The following ARMCX4 variants were observed in gnomAD, a reference collection of about 807,000 sequenced individuals.
The protein encoded by ARMCX4 is armadillo repeat containing X-linked 4, also known as armadillo repeat-containing X-linked protein 4.
A neutral mutation model predicts 34.7 loss-of-function variants in ARMCX4; 3 were observed. The observed-to-expected ratio is 0.09, with a 90% CI of 0.04 to 0.22. ARMCX4 has a LOEUF of 0.22. ARMCX4 is among the 10% of genes least tolerant of loss of function. The pLI, the probability that ARMCX4 is intolerant of heterozygous loss-of-function variation, is 1.00. For missense variants in ARMCX4, 1,448 were observed against 1,720.8 expected, an observed-to-expected ratio of 0.84 and a Z score of 2.81; for synonymous variants, 513 against 632.8, an observed-to-expected ratio of 0.81 and a Z score of 2.84.
At chrX:101,445,450 A>G (rs782242413) in intron 3 of ARMCX4, among the ~76,000 whole-genome samples, 81 of 111,781 alleles carry the variant, frequency 7.2e-4, no homozygotes, top group Non-Finnish European at 1.1e-3. Context: ...CTTGGCACAC[A>G]CATGATGTCA....
Position 101,433,017 on chromosome X carries a change from T to C in ARMCX4, n.165-11035T>C, listed in dbSNP as rs369421089. Among the ~76,000 whole-genome samples, 50 of 80,318 alleles carry C rather than the reference T, an allele frequency of 6.2e-4. 1 individual carries two copies. Among genetic ancestry groups the C allele is most frequent in the East Asian group, 2.8e-3 (7 of 2,520 alleles). The allele number at this position is 80,318 out of a possible 115,157, so 69.7% of individuals were successfully genotyped here. A position where few individuals can be genotyped will look rare whatever the true frequency, so the allele number is the denominator to read the frequency against. ...ATACATATATGTGTATATATACACA[T>C]ATGTATACATACACGTGTATATACA... is the stretch of plus-strand genomic sequence containing the variant. On this transcript the variant is annotated intron_variant and non_coding_transcript_variant, in intron 2 of 3. Coordinates refer to the ARMCX4 transcript ENST00000430461.
At chrX:101,475,224 A>T (rs1026946849) in intron 4 of ARMCX4, among the ~76,000 whole-genome samples, 1 of 110,801 alleles carries the variant, frequency 9.0e-6, no homozygotes, top group Non-Finnish European at 1.9e-5. Context: ...CTGAGGTGGG[A>T]GGATCCTTGA....
At chrX:101,530,333 G>A (rs1357027918) in intron 11 of ARMCX4, among the ~76,000 whole-genome samples, 5 of 111,214 alleles carry the variant, frequency 4.5e-5, no homozygotes, top group African/African-American at 6.5e-5. Context: ...GGAGCCTTCC[G>A]TGGGGTTGGA....
chrX:101,428,663 G>A, intron 2 of ARMCX4, among the ~76,000 whole-genome samples: 1 of 110,817 alleles, frequency 9.0e-6, no homozygotes, highest in Admixed American at 9.7e-5. Context: ...AGAGTTGATG[G>A]CACATCAGGC....
intron 2 of ARMCX4, among the ~76,000 whole-genome samples, chrX:101,440,940 G>T (rs959197434): frequency 3.6e-5 from 4 of 111,132 alleles, no homozygotes; most frequent in Non-Finnish European, 5.7e-5. Flanking sequence ...GCGATGCCTT[G>T]CCCTGCTTTG....
chrX:101,487,871 G>A (rs1556007273), intron 4 of ARMCX4, 173 bp from the exon 5 acceptor site: 1 of 284,947 alleles, frequency 3.5e-6, no homozygotes, highest in Non-Finnish European at 6.3e-6. Context: ...CTGGTACAGG[G>A]AAAAGAGTGT....
At chrX:101,527,307 A>T (rs1434086991) in intron 11 of ARMCX4, among the ~76,000 whole-genome samples, 1 of 112,082 alleles carries the variant, frequency 8.9e-6, no homozygotes, top group Non-Finnish European at 1.9e-5. Context: ...ACAACATACC[A>T]GAATCTCTGG....
chrX:101,459,730 T>C (rs1932520571), intron 4 of ARMCX4, among the ~76,000 whole-genome samples: 2 of 112,535 alleles, frequency 1.8e-5, no homozygotes, highest in Non-Finnish European at 3.8e-5. Flanking sequence ...AGGTAATTAC[T>C]CTTACAATGC....
chrX:101,467,646 T>C (rs1237558748), intron 4 of ARMCX4, among the ~76,000 whole-genome samples: 2 of 112,087 alleles, frequency 1.8e-5, no homozygotes, highest in Admixed American at 9.5e-5. Context: ...ATGATCCTTT[T>C]CTGAATCAAT....
chrX:101,483,784 T>A (rs7056223), upstream of ARMCX4, among the ~76,000 whole-genome samples: 7,065 of 111,422 alleles, frequency 0.063, 229 homozygotes, highest in African/African-American at 0.13. Context: ...TCACTTTCAA[T>A]TGAGTTCTGA....
chrX:101,501,542 T>TAGC (rs200340691), intron 7 of ARMCX4, among the ~76,000 whole-genome samples: 1,862 of 112,352 alleles, frequency 0.017, 15 homozygotes, highest in Middle Eastern at 0.051. Context: ...GGAGCAGCAG[T>TAGC]AGCAGCAGCA....
At chrX:101,502,729 T>A (rs1934329760) in intron 7 of ARMCX4, among the ~76,000 whole-genome samples, 1 of 111,144 alleles carries the variant, frequency 9.0e-6, no homozygotes, top group African/African-American at 3.3e-5. Flanking sequence ...ATTTTTTTTT[T>A]ATTTTTATTT....
At position 101,431,551 on chromosome X, in the gene ARMCX4, C is replaced by CTT. The variant is rs369375192; in HGVS notation, n.165-12492_165-12491dup. ...TTACAAAAGTTTATGCACCACGTTT[C>CTT]TTTTTTTTTTGAGACAGAGTCTCGC... On this transcript the variant is annotated intron_variant and non_coding_transcript_variant, in intron 2 of 3. Coordinates refer to the ARMCX4 transcript ENST00000430461. 2.8e-5 allele frequency among the ~76,000 whole-genome samples: 3 copies of CTT among 107,215 alleles called. No individual in the cohort carries two copies. In the South Asian group the frequency reaches 1.2e-3, roughly 43 times the overall value. 93.1% of individuals were successfully genotyped at this position (107,215 alleles called of 115,157 possible).
rs1284401082 is a variant in ARMCX4 at position 101,488,802 on chromosome X, C to T, written c.213C>T (p.Val71=). 1.5e-5 allele frequency: 17 copies of T among 1,156,152 alleles called. No individual in the cohort carries two copies. The highest frequency in any genetic ancestry group is 1.9e-5 in the Non-Finnish European group (17 of 873,024). Residue 71 remains valine (V), a synonymous_variant, in exon 6 of 6, where the codon GTC becomes GTT. Coordinates refer to ENST00000423738, the MANE Select transcript of ARMCX4 (RefSeq NM_001256155.3). ...CAGAGATTAAGACTAAACCCCAAGT[C>T]GAGATTGGAGCAGAAACTGGAGCAA... ...NEAEIKTKPQ[V]EIGAETGARS...
chrX:101,490,554 G>C lies in ARMCX4; in HGVS notation c.1965G>C (p.Val655=), dbSNP rs1556008495. The stretch of plus-strand genomic sequence containing the variant: ...AAGTTAAGGGTAATCCCAATGTTGT[G>C]CTTAAGGCAGAAGTTGGGGAAGGTG... ...KNKVKGNPNV[V]LKAEVGEGAM... is the part of the protein sequence containing the mutation. Residue 655 remains valine (V), a synonymous_variant, in exon 6 of 6, where the codon GTG becomes GTC. Coordinates refer to ENST00000423738, the MANE Select transcript of ARMCX4 (RefSeq NM_001256155.3). The C allele has an allele frequency of 8.6e-7, 1 of 1,156,288 alleles. No homozygotes were observed. Among genetic ancestry groups the C allele is most frequent in the East Asian group, 3.2e-5 (1 of 30,784 alleles).
Position 101,456,098 on chromosome X carries a change from G to C in ARMCX4, c.-473+10054G>C, listed in dbSNP as rs782812999. Among the ~76,000 whole-genome samples, 66 of 111,476 alleles carry C rather than the reference G, an allele frequency of 5.9e-4. 1 individual carries two copies. The highest frequency in any genetic ancestry group is 2.0e-3 in the African/African-American group (62 of 30,708). On this transcript the variant is annotated intron_variant and NMD_transcript_variant, in intron 4 of 15. Coordinates refer to the ARMCX4 transcript ENST00000433011. The stretch of plus-strand genomic sequence containing the variant: ...GGGTACCCGGGTTGATTCCATGTCT[G>C]CTATTGTGAATAGTGCTGCAATGAA...
chrX:101,448,073 A>T (rs904142209), downstream of ARMCX4, among the ~76,000 whole-genome samples: 15 of 111,601 alleles, frequency 1.3e-4, no homozygotes, highest in Non-Finnish European at 1.9e-5. Context: ...TAGCTCCCAC[A>T]AATAAGTGAG....
At chrX:101,442,118 C>T (rs1479382574) in intron 2 of ARMCX4, among the ~76,000 whole-genome samples, 1 of 112,534 alleles carries the variant, frequency 8.9e-6, no homozygotes, top group Non-Finnish European at 1.9e-5. Context: ...ATCTTCTCTG[C>T]TTCACCCAGC....
At chrX:101,496,541 T>G (rs1934181611), downstream of ARMCX4, among the ~76,000 whole-genome samples, 1 of 111,845 alleles carries the variant, frequency 8.9e-6, no homozygotes, top group African/African-American at 3.2e-5. Flanking sequence ...CCTTGGGGCA[T>G]TTGACAGAAA....
Sources: allele counts gnomAD v4.1 joint callset (sites outside exome capture counted in the v4.1 genomes callset), GRCh38; gene constraint gnomAD v4.1.1; transcripts MANE v1.5; gene names NCBI Gene and HGNC (gene_info 2026-07-23, HGNC 2026-07-21).